The following SHROOM4 variants were observed in gnomAD, a reference collection of about 807,000 sequenced individuals.
SHROOM4 encodes the protein protein Shroom4.
A neutral mutation model predicts 80.3 loss-of-function variants in SHROOM4; 17 were observed. The observed-to-expected ratio is 0.21, with a 90% CI of 0.14 to 0.32. SHROOM4 has a LOEUF of 0.32. Among genes scored for constraint, SHROOM4 ranks in the 10% least tolerant of loss-of-function variants. SHROOM4 has a pLI of 1.00. For synonymous variants in SHROOM4, 400 were observed against 437.5 expected, an observed-to-expected ratio of 0.91 and a Z score of 1.07; for missense variants, 993 against 1,140.3, an observed-to-expected ratio of 0.87 and a Z score of 1.86.
intron 1 of SHROOM4, among the ~76,000 whole-genome samples, chrX:50,808,231 G>T (rs1468089387): frequency 8.9e-6 from 1 of 112,265 alleles, no homozygotes; most frequent in Non-Finnish European, 1.9e-5. Flanking sequence ...AGAGGATACA[G>T]CTAGGACCCA....
intron 2 of SHROOM4, among the ~76,000 whole-genome samples, chrX:50,639,607 C>A (rs1013788515): frequency 1.8e-5 from 2 of 111,199 alleles, no homozygotes; most frequent in African/African-American, 6.5e-5. Flanking sequence ...GATAAGGGCC[C>A]CTGCCTTCAA....
intron 1 of SHROOM4, among the ~76,000 whole-genome samples, chrX:50,804,109 C>T (rs1936179794): frequency 8.9e-6 from 1 of 111,944 alleles, no homozygotes; most frequent in Admixed American, 9.5e-5. Context: ...TAAGGGACAC[C>T]TGTGGAATGC....
rs140531597 is a variant in SHROOM4, at chrX:50,598,129, G to C, written c.4212+137C>G. The C allele has an allele frequency of 9.0e-4, 778 of 864,702 alleles. 8 individuals are homozygous for C. The East Asian group carries it at 0.024, about 27-fold the overall frequency. 71.3% of individuals were successfully genotyped at this position (864,702 alleles called of 1,213,427 possible). ...ACTGGGATTACAGACATGAGCCACC[G>C]TGCCCATCCTCAGTGCTCACATGCT... On this transcript the variant is annotated intron_variant, in intron 8 of 8. Coordinates refer to ENST00000376020, the MANE Select transcript of SHROOM4 (RefSeq NM_020717.5).
chrX:50,676,984 C>A (rs782415883), intron 2 of SHROOM4, among the ~76,000 whole-genome samples: 6 of 111,864 alleles, frequency 5.4e-5, no homozygotes, highest in Non-Finnish European at 9.4e-5. Context: ...AGTGGCATCA[C>A]TTCCTTAATG....
intron 2 of SHROOM4, among the ~76,000 whole-genome samples, chrX:50,660,192 T>C (rs1422111925): frequency 1.8e-5 from 2 of 111,897 alleles, no homozygotes; most frequent in Admixed American, 9.5e-5. Context: ...AATTTATACT[T>C]CCAACAGTGT....
In SHROOM4 at chrX:50,695,764, G is replaced by A. The variant is rs782508218; in HGVS notation, c.269+22C>T. The A allele has an allele frequency of 1.5e-5, 18 of 1,208,270 alleles. No individual in the cohort carries two copies. The East Asian group carries it at 1.8e-4, about 12-fold the overall frequency. On this transcript the variant is annotated intron_variant, in intron 2 of 8. Coordinates refer to ENST00000376020, the MANE Select transcript of SHROOM4 (RefSeq NM_020717.5). The stretch of plus-strand genomic sequence containing the variant: ...AGTTTCAGTGGCCTCTGCACCTTAC[G>A]GAGAATCTCCCTGTACCTTACCTCC...
intron 4 of SHROOM4, among the ~76,000 whole-genome samples, chrX:50,631,142 C>T (rs1195460023): frequency 9.0e-6 from 1 of 110,978 alleles, no homozygotes; most frequent in Non-Finnish European, 1.9e-5. Context: ...AGGGCAAAAT[C>T]CTTAACAAAA....
intron 1 of SHROOM4, among the ~76,000 whole-genome samples, chrX:50,702,652 A>T (rs1447634695): frequency 8.9e-6 from 1 of 112,165 alleles, no homozygotes; most frequent in Non-Finnish European, 1.9e-5. Flanking sequence ...AAGGCAGATG[A>T]GCATAATTTT....
intron 5 of SHROOM4, among the ~76,000 whole-genome samples, chrX:50,618,480 G>A (rs1027293522): frequency 2.8e-5 from 3 of 105,959 alleles, no homozygotes; most frequent in Non-Finnish European, 3.9e-5. Context: ...AATCTTGGCC[G>A]ACTGCAACCT....
rs782504676 is a variant in SHROOM4 at position 50,787,097 on chromosome X, G to A, written c.117+26805C>T. Among the ~76,000 whole-genome samples the A allele has an allele frequency of 1.4e-3, 149 of 109,711 alleles. 1 individual carries two copies. The highest frequency in any genetic ancestry group is 3.1e-3 in the Admixed American group (32 of 10,239). On this transcript the variant is annotated intron_variant, in intron 1 of 8. Coordinates refer to ENST00000376020, the MANE Select transcript of SHROOM4 (RefSeq NM_020717.5). Reference sequence around the variant, plus strand: ...TAGCCTTGCGTGGTGGCACTCGCCTGTAGTCCCAGCTACATGGGAGGCTGA... The same window carrying A: ...TAGCCTTGCGTGGTGGCACTCGCCTATAGTCCCAGCTACATGGGAGGCTGA...
rs1415981050 is a variant in SHROOM4, at chrX:50,666,638, T to C, written c.270-28330A>G. On this transcript the variant is annotated intron_variant, in intron 2 of 8. Coordinates refer to ENST00000376020, the MANE Select transcript of SHROOM4 (RefSeq NM_020717.5). ...AGGAATATAACAAGAGAAACATTTC[T>C]TAATCTCATACAAAATGCATACACC... 2.7e-5 allele frequency among the ~76,000 whole-genome samples: 3 copies of C among 112,023 alleles called. No individual in the cohort carries two copies. The Admixed American group carries it at 2.8e-4, about 11-fold the overall frequency.
chrX:50,800,465 A>G (rs1936095467), intron 1 of SHROOM4, among the ~76,000 whole-genome samples: 1 of 111,667 alleles, frequency 9.0e-6, no homozygotes, highest in Admixed American at 9.5e-5. Context: ...CCGGCATTTC[A>G]GAGGGGAGGT....
chrX:50,785,104 A>C (rs1040896227), intron 1 of SHROOM4, among the ~76,000 whole-genome samples: 2 of 112,065 alleles, frequency 1.8e-5, no homozygotes, highest in Non-Finnish European at 3.8e-5. Flanking sequence ...TAAAAAAATA[A>C]AACTTACCAT....
chrX:50,804,584 T>G (rs1936189687), intron 1 of SHROOM4, among the ~76,000 whole-genome samples: 1 of 112,144 alleles, frequency 8.9e-6, no homozygotes, highest in African/African-American at 3.2e-5. Context: ...GAAGTAAATT[T>G]GAATGTCAGT....
chrX:50,747,735 CAAGA>C (rs1220138012), intron 1 of SHROOM4, among the ~76,000 whole-genome samples: 1 of 111,930 alleles, frequency 8.9e-6, no homozygotes. Context: ...TTGGCTCAAA[CAAGA>C]AAGAATTCAA....
intron 2 of SHROOM4, among the ~76,000 whole-genome samples, chrX:50,682,529 G>A (rs1287708389): frequency 1.8e-5 from 2 of 111,655 alleles, no homozygotes; most frequent in African/African-American, 3.3e-5. Flanking sequence ...ATTTACAGGG[G>A]GGAAATAGAC....
chrX:50,733,597 A>G lies in SHROOM4; in HGVS notation c.118-37660T>C, dbSNP rs112914748. Among the ~76,000 whole-genome samples, 177 of 112,003 alleles carry G rather than the reference A, an allele frequency of 1.6e-3. 1 individual carries two copies. Among genetic ancestry groups the G allele is most frequent in the African/African-American group, 5.3e-3 (163 of 30,882 alleles). On this transcript the variant is annotated intron_variant, in intron 1 of 8. Coordinates refer to ENST00000376020, the MANE Select transcript of SHROOM4 (RefSeq NM_020717.5). ...TCCCAGCCTCAAAAACTGTGAGCCA[A>G]TAAATTTCTGTTTATTATAAATTAG...
chrX:50,690,957 ACT>A (rs1354442456), intron 2 of SHROOM4, among the ~76,000 whole-genome samples: 1 of 112,544 alleles, frequency 8.9e-6, no homozygotes, highest in Non-Finnish European at 1.9e-5. Flanking sequence ...ACAAAGCAAG[ACT>A]CTATCTCAAA....
intron 2 of SHROOM4, among the ~76,000 whole-genome samples, chrX:50,647,808 A>G (rs1931896161): frequency 9.0e-6 from 1 of 111,164 alleles, no homozygotes; most frequent in South Asian, 3.8e-4. Flanking sequence ...AATAACCAAC[A>G]ACAGTTAGGA....
Sources: allele counts gnomAD v4.1 joint callset (sites outside exome capture counted in the v4.1 genomes callset), GRCh38; gene constraint gnomAD v4.1.1; transcripts MANE v1.5; gene names NCBI Gene and HGNC (gene_info 2026-07-23, HGNC 2026-07-21).